Variants in NECTIN3 observed in about 807,000 individuals in gnomAD.
The protein encoded by NECTIN3 is nectin cell adhesion molecule 3.
In NECTIN3, 8 loss-of-function variants were observed where a neutral mutation model predicts 49.4. That is an observed-to-expected ratio of 0.16 (90% confidence interval 0.10 to 0.29). The LOEUF is 0.29. NECTIN3 is among the 10% of genes least tolerant of loss of function. The pLI is 1.00. For synonymous variants in NECTIN3, 277 were observed against 241.1 expected (o/e 1.15, Z -1.38); for missense variants, 581 against 654.6 (o/e 0.89, Z 1.23).
chr3:111,072,749 T>C, intron 1 of NECTIN3: 2 of 627,914 alleles, frequency 3.2e-6, no homozygotes, highest in South Asian at 3.9e-5. Flanking sequence ...CTTCTGGAGC[T>C]CTCTAGATTG....
At chr3:111,189,329 A>T (rs545810449), upstream of NECTIN3, among the ~76,000 whole-genome samples, 35 of 152,236 alleles carry the variant, frequency 2.3e-4, no homozygotes, top group Non-Finnish European at 5.0e-4. Flanking sequence ...GTAGTGGGTT[A>T]TGATGGCTTC....
chr3:111,189,182 C>A (rs918855452), upstream of NECTIN3, among the ~76,000 whole-genome samples: 1 of 152,166 alleles, frequency 6.6e-6, no homozygotes, highest in African/African-American at 2.4e-5. Flanking sequence ...TAGAACATCA[C>A]TTAAATTGCC....
intron 7 of NECTIN3, among the ~76,000 whole-genome samples, chr3:111,177,781 C>G (rs1161046968): frequency 1.3e-5 from 2 of 152,110 alleles, no homozygotes; most frequent in East Asian, 3.8e-4. Context: ...AATGTGTAGG[C>G]ATTTATTAGT....
intron 6 of NECTIN3, among the ~76,000 whole-genome samples, chr3:111,146,049 G>C (rs567771397): frequency 6.6e-6 from 1 of 152,058 alleles, no homozygotes; most frequent in Admixed American, 6.6e-5. Flanking sequence ...TGTGATTTTC[G>C]TTGGATTAGA....
At chr3:111,132,562 AC>A (rs2034432438) in intron 5 of NECTIN3, among the ~76,000 whole-genome samples, 1 of 151,908 alleles carries the variant, frequency 6.6e-6, no homozygotes, top group South Asian at 2.1e-4. Flanking sequence ...TTCAAACTCT[AC>A]AGTTTTGTGT....
chr3:111,191,616 TG>T (rs750961395), upstream of NECTIN3, among the ~76,000 whole-genome samples: 2 of 151,894 alleles, frequency 1.3e-5, no homozygotes, highest in Admixed American at 1.3e-4. Context: ...GGGATAAGGA[TG>T]GAAGATTAGC....
chr3:111,075,618 T>C (rs1272038089), intron 1 of NECTIN3, among the ~76,000 whole-genome samples: 2 of 152,164 alleles, frequency 1.3e-5, no homozygotes, highest in East Asian at 1.9e-4. Flanking sequence ...TGCTGAATAA[T>C]TGAGTTTTCA....
In NECTIN3 at chr3:111,142,720, AT is replaced by A. The variant is rs1192979848; in HGVS notation, c.1001-2176del. Among the ~76,000 whole-genome samples, 21 of 151,666 alleles carry A rather than the reference AT, an allele frequency of 1.4e-4. 1 individual carries two copies. In the Middle Eastern group the frequency reaches 0.014, roughly 98 times the overall value. On this transcript the variant is annotated intron_variant, in intron 5 of 8. Coordinates refer to the NECTIN3 transcript ENST00000493615. Reference sequence around the variant, plus strand: ...GAGGAAATGTATAGTTTGATAAAAAATTTATAATGATCTCTAGATTGAGAAT... The same window carrying A: ...GAGGAAATGTATAGTTTGATAAAAAATTATAATGATCTCTAGATTGAGAAT...
At chr3:111,110,480 C>CT (rs2033409179) in intron 1 of NECTIN3, among the ~76,000 whole-genome samples, 1 of 151,890 alleles carries the variant, frequency 6.6e-6, no homozygotes. Context: ...TAGAATAGTC[C>CT]TACTTGGCTG....
chr3:111,165,048 T>A (rs2107522775), intron 7 of NECTIN3, among the ~76,000 whole-genome samples: 1 of 152,138 alleles, frequency 6.6e-6, no homozygotes. Flanking sequence ...TATTTTTTAT[T>A]TATTTATTTA....
chr3:111,083,702 A>G (rs1240453622), intron 1 of NECTIN3, among the ~76,000 whole-genome samples: 1 of 152,158 alleles, frequency 6.6e-6, no homozygotes, highest in African/African-American at 2.4e-5. Context: ...TGGTTAAAAG[A>G]CAGTTTTTTG....
intron 1 of NECTIN3, among the ~76,000 whole-genome samples, chr3:111,100,734 A>G (rs2032860800): frequency 6.6e-6 from 1 of 152,146 alleles, no homozygotes; most frequent in South Asian, 2.1e-4. Flanking sequence ...TAATTTTGAA[A>G]TTATTTTAAA....
intron 1 of NECTIN3, among the ~76,000 whole-genome samples, chr3:111,078,490 C>A (rs7433877): frequency 2.6e-5 from 4 of 152,048 alleles, no homozygotes; most frequent in Non-Finnish European, 2.9e-5. Flanking sequence ...TAATGATATA[C>A]CCCCTCATGG....
rs1284855012 is a variant in NECTIN3 at position 111,134,295 on chromosome 3, T to A, written c.*80T>A. 6.7e-7 allele frequency: 1 copy of A among 1,484,926 alleles called. No homozygotes were observed. Among genetic ancestry groups the A allele is most frequent in the East Asian group, 2.3e-5 (1 of 42,932 alleles). The allele number at this position is 1,484,926 out of a possible 1,614,324, so 92.0% of individuals were successfully genotyped here. ...TTTTCAGATTGTTCATACTTTTTCT[T>A]GAGGAAGAATAAGCTTTTTCAAGTT... is the stretch of plus-strand genomic sequence containing the variant. On this transcript the variant is annotated 3_prime_UTR_variant, in exon 6 of 6. Transcript: ENST00000485303.
At chr3:111,112,967 C>A (rs927244912) in intron 2 of NECTIN3, among the ~76,000 whole-genome samples, 1 of 152,062 alleles carries the variant, frequency 6.6e-6, no homozygotes, top group East Asian at 1.9e-4. Flanking sequence ...TTTGGAAATG[C>A]TGATAAGTAC....
chr3:111,122,925 T>A (rs539241371), intron 4 of NECTIN3, among the ~76,000 whole-genome samples: 5 of 152,236 alleles, frequency 3.3e-5, no homozygotes, highest in African/African-American at 1.2e-4. Flanking sequence ...CCCTCTTTTT[T>A]ATTCCTGTTC....
At chr3:111,091,673 A>G (rs567948596) in intron 1 of NECTIN3, among the ~76,000 whole-genome samples, 68 of 152,312 alleles carry the variant, frequency 4.5e-4, no homozygotes, top group Non-Finnish European at 7.5e-4. Flanking sequence ...TCTGTTATGT[A>G]GATATCACAT....
At chr3:111,146,874 A>T (rs1278940897) in intron 6 of NECTIN3, among the ~76,000 whole-genome samples, 3 of 152,180 alleles carry the variant, frequency 2.0e-5, no homozygotes, top group Non-Finnish European at 4.4e-5. Flanking sequence ...TGGAAAAAAT[A>T]AATGTGTTCC....
chr3:111,165,419 G>T (rs549398971), intron 7 of NECTIN3, among the ~76,000 whole-genome samples: 1 of 152,050 alleles, frequency 6.6e-6, no homozygotes, highest in Non-Finnish European at 1.5e-5. Context: ...GCCAAAAGTT[G>T]TTCACATGAC....
Sources: allele counts gnomAD v4.1 joint callset (sites outside exome capture counted in the v4.1 genomes callset), GRCh38; gene constraint gnomAD v4.1.1; transcripts MANE v1.5; gene names NCBI Gene and HGNC (gene_info 2026-07-23, HGNC 2026-07-21).